HS3ST5: variants seen among roughly 807,000 people sequenced by gnomAD.
The protein encoded by HS3ST5 is heparan sulfate glucosamine 3-O-sulfotransferase 5.
HS3ST5 carries 10 observed loss-of-function variants against 25.4 expected under a neutral mutation model. The observed-to-expected ratio is 0.39, with a 90% CI of 0.24 to 0.67. HS3ST5 has a LOEUF of 0.67. Among genes scored for constraint, HS3ST5 ranks in the 30% least tolerant of loss-of-function variants. The pLI, the probability that HS3ST5 is intolerant of heterozygous loss-of-function variation, is 0.44. For synonymous variants in HS3ST5, 170 were observed against 162.4 expected (o/e 1.05, Z -0.36); for missense variants, 324 against 420.7 (o/e 0.77, Z 2.01).
At chr6:114,324,565 C>T (rs1189689255) in intron 1 of HS3ST5, among the ~76,000 whole-genome samples, 2 of 152,180 alleles carry the variant, frequency 1.3e-5, no homozygotes, top group Non-Finnish European at 2.9e-5. Context: ...TGTTTTCTTG[C>T]AGATCAGTGT....
chr6:114,241,132 G>GTTTTTTT (rs34220294), intron 1 of HS3ST5, among the ~76,000 whole-genome samples: 6 of 117,800 alleles, frequency 5.1e-5, no homozygotes, highest in African/African-American at 6.2e-5. Flanking sequence ...AGAAAAATCA[G>GTTTTTTT]TTTTTTTTTT....
chr6:114,161,521 TTATATATATATATATA>T (rs59921019), intron 3 of HS3ST5, among the ~76,000 whole-genome samples: 2,234 of 33,536 alleles, frequency 0.067, 121 homozygotes, highest in East Asian at 0.2. Flanking sequence ...TCCTGAAGTT[TTATATATATATATATA>T]TATATATATA....
At chr6:114,125,404 A>T (rs1776991557) in intron 3 of HS3ST5, among the ~76,000 whole-genome samples, 1 of 152,266 alleles carries the variant, frequency 6.6e-6, no homozygotes, top group South Asian at 2.1e-4. Context: ...TATATCAAAA[A>T]TAGTTGTAAA....
chr6:114,061,161 A>G (rs1200340806), intron 4 of HS3ST5, among the ~76,000 whole-genome samples: 2 of 152,236 alleles, frequency 1.3e-5, no homozygotes, highest in Non-Finnish European at 2.9e-5. Context: ...CAACTAAATA[A>G]TAATGCATTA....
chr6:114,126,019 A>G (rs912379887), intron 3 of HS3ST5, among the ~76,000 whole-genome samples: 19 of 152,208 alleles, frequency 1.2e-4, no homozygotes, highest in Admixed American at 1.2e-3. Flanking sequence ...GTAAAATTCT[A>G]TCTAAGAAGC....
Position 114,057,401 on chromosome 6 carries a change from A to G in HS3ST5, c.897T>C (p.Ile299=), listed in dbSNP as rs1772829151. 1.2e-6 allele frequency: 2 copies of G among 1,614,184 alleles called. No homozygotes were observed. Among genetic ancestry groups the G allele is most frequent in the Non-Finnish European group, 1.7e-6 (2 of 1,180,040 alleles). Residue 299 remains isoleucine (I), a synonymous_variant, in exon 5 of 5, where the codon ATT becomes ATC. Transcript: ENST00000312719. ...TRGFYCLRFN[I]IFNKCLAGSK... ...TGCCCGCCAGGCACTTATTAAAGAT[A>G]ATATTAAACCGCAAGCAGTAAAACC...
chr6:114,164,153 C>CTATAA (rs5879250), intron 3 of HS3ST5, among the ~76,000 whole-genome samples: 147,570 of 152,064 alleles, frequency 0.97, 71,766 homozygotes, highest in East Asian at 1. Flanking sequence ...ATTTTTTTTG[C>CTATAA]TATTTCACTA....
chr6:114,291,598 T>C (rs115483006), intron 1 of HS3ST5, among the ~76,000 whole-genome samples: 1,996 of 152,248 alleles, frequency 0.013, 34 homozygotes, highest in African/African-American at 0.045. Flanking sequence ...GTGAGCTCTT[T>C]GTAATGTCTA....
intron 3 of HS3ST5, among the ~76,000 whole-genome samples, chr6:114,095,685 A>G (rs1403601751): frequency 1.3e-5 from 2 of 152,042 alleles, no homozygotes; most frequent in Non-Finnish European, 2.9e-5. Flanking sequence ...TCCTGCTTGG[A>G]CCAAATGTTC....
At chr6:114,311,539 CTTTTTT>C (rs11463610) in intron 1 of HS3ST5, among the ~76,000 whole-genome samples, 2 of 84,878 alleles carry the variant, frequency 2.4e-5, no homozygotes, top group Non-Finnish European at 4.2e-5. Flanking sequence ...TTCTCTCTCT[CTTTTTT>C]TTTTTTTTTT....
intron 3 of HS3ST5, among the ~76,000 whole-genome samples, chr6:114,134,023 G>T (rs1582637573): frequency 6.6e-6 from 1 of 152,052 alleles, no homozygotes; most frequent in African/African-American, 2.4e-5. Context: ...GTAGTGGGAG[G>T]CGGTGGCTGG....
chr6:114,166,586 A>T (rs1169384223), intron 3 of HS3ST5, among the ~76,000 whole-genome samples: 3 of 152,180 alleles, frequency 2.0e-5, no homozygotes, highest in Non-Finnish European at 4.4e-5. Flanking sequence ...AGATAATGAT[A>T]CTGTATCCAA....
Position 114,145,199 on chromosome 6 carries a change from T to C in HS3ST5, c.-33+23152A>G, listed in dbSNP as rs147081138. Among the ~76,000 whole-genome samples the C allele has an allele frequency of 8.5e-5, 13 of 152,288 alleles. No homozygotes were observed. In the East Asian group the frequency reaches 2.1e-3, roughly 25 times the overall value. ...GAGGCAGGGCTTAGCTTTGTACTTC[T>C]AGGTTGGTCCTGATAGCACATTCCA... On this transcript the variant is annotated intron_variant, in intron 3 of 4. Transcript: ENST00000312719.
At chr6:114,169,165 G>A (rs1385630458) in intron 2 of HS3ST5, among the ~76,000 whole-genome samples, 1 of 151,998 alleles carries the variant, frequency 6.6e-6, no homozygotes, top group Non-Finnish European at 1.5e-5. Flanking sequence ...ACAGATTGTA[G>A]GACCCTAATA....
chr6:114,079,674 A>G (rs1774338712), intron 3 of HS3ST5, among the ~76,000 whole-genome samples: 1 of 152,232 alleles, frequency 6.6e-6, no homozygotes, highest in Non-Finnish European at 1.5e-5. Context: ...AGCAGCTAGA[A>G]TGGTGAATCT....
chr6:114,261,397 G>C (rs934996249), intron 1 of HS3ST5, among the ~76,000 whole-genome samples: 6 of 152,124 alleles, frequency 3.9e-5, no homozygotes, highest in Non-Finnish European at 7.3e-5. Context: ...CTTGTTTAAG[G>C]GGTAAGCAGG....
At chr6:114,243,714 T>C (rs1007591404) in intron 1 of HS3ST5, among the ~76,000 whole-genome samples, 1 of 152,224 alleles carries the variant, frequency 6.6e-6, no homozygotes, top group African/African-American at 2.4e-5. Context: ...ATGTGCCTTT[T>C]AGTTTGACCC....
At chr6:114,328,934 A>C (rs1776280279) in intron 1 of HS3ST5, among the ~76,000 whole-genome samples, 3 of 152,180 alleles carry the variant, frequency 2.0e-5, no homozygotes, top group Non-Finnish European at 4.4e-5. Flanking sequence ...GTATTTCTTT[A>C]GTGCATGAGT....
At chr6:114,228,098 T>C (rs769715616) in intron 2 of HS3ST5, among the ~76,000 whole-genome samples, 3 of 152,172 alleles carry the variant, frequency 2.0e-5, no homozygotes, top group Non-Finnish European at 2.9e-5. Flanking sequence ...CTAGATTGTA[T>C]TGAATGTCAC....
Sources: allele counts gnomAD v4.1 joint callset (sites outside exome capture counted in the v4.1 genomes callset), GRCh38; gene constraint gnomAD v4.1.1; transcripts MANE v1.5; gene names NCBI Gene and HGNC (gene_info 2026-07-23, HGNC 2026-07-21).